ABCC9: variants seen among roughly 807,000 people sequenced by gnomAD.
ABCC9 encodes ATP binding cassette subfamily C member 9.
Under a neutral mutation model 188.3 loss-of-function variants are expected in ABCC9, and 95 were observed. The ratio of observed to expected loss-of-function variants is 0.50; its 90% CI spans 0.43 to 0.60. The LOEUF is 0.60. ABCC9 is among the 20% of genes least tolerant of loss of function. ABCC9 has a pLI of 0.00. For missense variants in ABCC9, 1,102 were observed against 1,876.3 expected, an observed-to-expected ratio of 0.59 and a Z score of 7.62; for synonymous variants, 659 against 652.7, an observed-to-expected ratio of 1.01 and a Z score of -0.15.
intron 31 of ABCC9, 69 bp downstream of exon 31, chr12:21,828,889 C>T: frequency 7.9e-7 from 1 of 1,273,318 alleles, no homozygotes; most frequent in Non-Finnish European, 1.1e-6. Context: ...ATTTTTACAA[C>T]TGTCTGCCTC....
In ABCC9 at chr12:21,800,251, A is replaced by G. The variant is rs1461856027; in HGVS notation, c.*793T>C. The G allele has an allele frequency of 6.6e-6, 1 of 152,198 alleles. No individual in the cohort carries two copies. Among genetic ancestry groups the G allele is most frequent in the Non-Finnish European group, 1.5e-5 (1 of 68,030 alleles). 9.4% of individuals were successfully genotyped at this position (152,198 alleles called of 1,614,324 possible). On this transcript the variant is annotated 3_prime_UTR_variant, in exon 40 of 40. Coordinates refer to ENST00000261200, the MANE Select transcript of ABCC9 (RefSeq NM_020297.4). Reference sequence around the variant, plus strand: ...TGTTAGGGCTCAAGATCATAACCACAGCTAATCATTAAACTATAGAAAGTT... The same window carrying G: ...TGTTAGGGCTCAAGATCATAACCACGGCTAATCATTAAACTATAGAAAGTT...
chr12:21,837,828 C>G (rs1038446535), intron 30 of ABCC9, among the ~76,000 whole-genome samples: 4 of 152,100 alleles, frequency 2.6e-5, no homozygotes, highest in African/African-American at 9.7e-5. Context: ...AATTCAGATG[C>G]CTTATCCTAG....
intron 22 of ABCC9, 93 bp from the exon 23 acceptor site, chr12:21,852,598 G>A: frequency 7.1e-7 from 1 of 1,401,764 alleles, no homozygotes; most frequent in African/African-American, 1.4e-5. Context: ...ATAACTAAGG[G>A]CAAATCATCC....
chr12:21,900,897 AG>A (rs1947711659), intron 12 of ABCC9, among the ~76,000 whole-genome samples: 1 of 152,246 alleles, frequency 6.6e-6, no homozygotes, highest in Non-Finnish European at 1.5e-5. Flanking sequence ...ATTATCCAGG[AG>A]GACCTCCCCA....
intron 12 of ABCC9, among the ~76,000 whole-genome samples, chr12:21,898,612 A>T (rs985369730): frequency 6.6e-6 from 1 of 152,218 alleles, no homozygotes; most frequent in African/African-American, 2.4e-5. Context: ...ATAATTCAAG[A>T]GGAAACAATA....
intron 15 of ABCC9, among the ~76,000 whole-genome samples, chr12:21,886,841 A>G (rs541420633): frequency 2.0e-5 from 3 of 152,224 alleles, no homozygotes; most frequent in African/African-American, 4.8e-5. Flanking sequence ...GTTCTCCTGC[A>G]TGGAATGCTC....
intron 25 of ABCC9, among the ~76,000 whole-genome samples, chr12:21,846,538 A>G (rs550364893): frequency 2.6e-5 from 4 of 151,848 alleles, no homozygotes; most frequent in Non-Finnish European, 5.9e-5. Flanking sequence ...TATACTATAT[A>G]CATATCAGGT....
chr12:21,936,196 G>C (rs927849336), intron 3 of ABCC9, among the ~76,000 whole-genome samples: 1 of 152,118 alleles, frequency 6.6e-6, no homozygotes, highest in Non-Finnish European at 1.5e-5. Context: ...CTGAAGGCAA[G>C]TACTCTTTTA....
intron 31 of ABCC9, among the ~76,000 whole-genome samples, chr12:21,819,156 T>C (rs921715160): frequency 1.3e-5 from 2 of 152,182 alleles, no homozygotes; most frequent in Non-Finnish European, 2.9e-5. Flanking sequence ...TTAGGTATTG[T>C]TCTGTCTCAT....
chr12:21,917,647 C>T (rs985280448), intron 5 of ABCC9, among the ~76,000 whole-genome samples: 9 of 152,092 alleles, frequency 5.9e-5, no homozygotes, highest in Admixed American at 2.6e-4. Flanking sequence ...TAAAACACCA[C>T]GCACTTTCAC....
rs1946690255 is a variant in ABCC9 at position 21,882,887 on chromosome 12, G to A, written c.1912-14C>T. ...AGTTTTTGGCTGCTGCATTCCAAATGGAAAAGAACACAAGTTGAGGCTTTA... is the reference window on the plus strand; with the variant it reads ...AGTTTTTGGCTGCTGCATTCCAAATAGAAAAGAACACAAGTTGAGGCTTTA... On this transcript the variant is annotated splice_polypyrimidine_tract_variant and intron_variant, in intron 15 of 39. Transcript: ENST00000261200. The A allele has an allele frequency of 1.3e-6, 2 of 1,590,446 alleles. No homozygotes were observed. Among genetic ancestry groups the A allele is most frequent in the South Asian group, 2.2e-5 (2 of 90,608 alleles).
intron 24 of ABCC9, 45 bp from the exon 25 acceptor site, chr12:21,848,291 G>A (rs1944787572): frequency 1.3e-6 from 2 of 1,523,568 alleles, no homozygotes; most frequent in African/African-American, 2.7e-5. Context: ...AACACCAATA[G>A]GTTGTGACTT....
chr12:21,915,629 C>T, intron 7 of ABCC9, 39 bp downstream of exon 7: 3 of 1,603,766 alleles, frequency 1.9e-6, no homozygotes, highest in Non-Finnish European at 2.6e-6. Context: ...CAGGACCATT[C>T]TCTGTAATTA....
At chr12:21,831,837 G>A (rs572748256) in intron 30 of ABCC9, among the ~76,000 whole-genome samples, 54 of 152,260 alleles carry the variant, frequency 3.5e-4, no homozygotes, top group African/African-American at 1.2e-3. Flanking sequence ...TTGGAGATGA[G>A]GCCAGGTGGA....
At chr12:21,898,451 G>A (rs1213968560) in intron 12 of ABCC9, among the ~76,000 whole-genome samples, 1 of 152,082 alleles carries the variant, frequency 6.6e-6, no homozygotes, top group Non-Finnish European at 1.5e-5. Flanking sequence ...CTATGTTAGT[G>A]GTGCATTGCT....
Position 21,848,263 on chromosome 12 carries a change from A to C in ABCC9, c.2770-17T>G, listed in dbSNP as rs1273610286. 1 of 1,605,394 alleles carries C rather than the reference A, an allele frequency of 6.2e-7. No individual in the cohort carries two copies. The highest frequency in any genetic ancestry group is 1.3e-5 in the African/African-American group (1 of 74,686). On this transcript the variant is annotated splice_polypyrimidine_tract_variant and intron_variant, in intron 24 of 39. Coordinates refer to ENST00000261200, the MANE Select transcript of ABCC9 (RefSeq NM_020297.4). Reference sequence around the variant, plus strand: ...TTCCATATCCTGCAGTAAACATTGTACTATCATGCAAGGAGCTAACACCAA... The same window carrying C: ...TTCCATATCCTGCAGTAAACATTGTCCTATCATGCAAGGAGCTAACACCAA...
intron 6 of ABCC9, 150 bp downstream of exon 6, chr12:21,916,787 A>C: frequency 1.6e-6 from 1 of 609,132 alleles, no homozygotes; most frequent in Non-Finnish European, 2.6e-6. Context: ...TAATGGCCTG[A>C]ATTTAGTGAT....
At chr12:21,829,290 C>T (rs1943586041) in intron 30 of ABCC9, among the ~76,000 whole-genome samples, 1 of 150,622 alleles carries the variant, frequency 6.6e-6, no homozygotes, top group African/African-American at 2.4e-5. Flanking sequence ...CAAGCTCCGC[C>T]TCCCGGGCTC....
intron 16 of ABCC9, 98 bp from the exon 17 acceptor site, chr12:21,875,824 C>T: frequency 3.2e-6 from 3 of 930,808 alleles, no homozygotes; most frequent in Non-Finnish European, 5.0e-6. Context: ...GTGGCTCATG[C>T]CTGTAATCAC....
Sources: allele counts gnomAD v4.1 joint callset (sites outside exome capture counted in the v4.1 genomes callset), GRCh38; gene constraint gnomAD v4.1.1; transcripts MANE v1.5; gene names NCBI Gene and HGNC (gene_info 2026-07-23, HGNC 2026-07-21).